GPC5: variants seen among roughly 807,000 people sequenced by gnomAD.
The protein encoded by GPC5 is glypican-5.
GPC5 carries 47 observed loss-of-function variants against 53.9 expected under a neutral mutation model. The observed-to-expected ratio is 0.87, with a 90% CI of 0.69 to 1.11. GPC5 has a LOEUF of 1.11. Ranked by LOEUF, GPC5 falls within the 50% of genes most tolerant of loss-of-function variation. The probability of loss-of-function intolerance (pLI) is 0.00; values close to 1 mark genes in which losing one functional copy is unlikely to be tolerated. For missense variants in GPC5, 748 were observed against 713.1 expected, an observed-to-expected ratio of 1.05 and a Z score of -0.56; for synonymous variants, 286 against 263.3, an observed-to-expected ratio of 1.09 and a Z score of -0.84.
intron 7 of GPC5, among the ~76,000 whole-genome samples, chr13:92,777,562 T>C (rs2138757273): frequency 6.6e-6 from 1 of 152,194 alleles, no homozygotes; most frequent in African/African-American, 2.4e-5. Context: ...GAGGTTGCAG[T>C]GAGCCGAGGT....
chr13:92,237,802 C>G (rs1594025326), intron 7 of GPC5, among the ~76,000 whole-genome samples: 1 of 152,096 alleles, frequency 6.6e-6, no homozygotes, highest in East Asian at 1.9e-4. Context: ...AAAGAAACAA[C>G]TTGCCCATTA....
At chr13:92,179,205 A>G (rs766157157) in intron 7 of GPC5, among the ~76,000 whole-genome samples, 18 of 152,144 alleles carry the variant, frequency 1.2e-4, no homozygotes, top group Non-Finnish European at 2.5e-4. Context: ...CTGGGGTAAA[A>G]CAAAAACTCT....
At chr13:92,206,454 C>T (rs1287465049) in intron 7 of GPC5, among the ~76,000 whole-genome samples, 5 of 148,320 alleles carry the variant, frequency 3.4e-5, no homozygotes, top group Non-Finnish European at 5.9e-5. Context: ...TCCCAAAGTG[C>T]GGTGGCTGGA....
intron 5 of GPC5, among the ~76,000 whole-genome samples, chr13:91,823,180 G>A (rs1156820743): frequency 1.3e-5 from 2 of 151,966 alleles, no homozygotes; most frequent in African/African-American, 4.8e-5. Flanking sequence ...CTATGAAAAA[G>A]TAGGAGTTCA....
chr13:92,383,256 A>G (rs931789092), intron 7 of GPC5, among the ~76,000 whole-genome samples: 4 of 152,182 alleles, frequency 2.6e-5, no homozygotes, highest in African/African-American at 9.6e-5. Flanking sequence ...AGAAATTACC[A>G]TGGTGTGTAA....
At chr13:91,498,529 A>T (rs1375235218) in intron 2 of GPC5, among the ~76,000 whole-genome samples, 1 of 152,162 alleles carries the variant, frequency 6.6e-6, no homozygotes, top group Non-Finnish European at 1.5e-5. Context: ...GGCGTAGGAT[A>T]GCCAGGAGCA....
At chr13:91,847,275 A>T (rs1339093791) in intron 5 of GPC5, among the ~76,000 whole-genome samples, 3 of 151,816 alleles carry the variant, frequency 2.0e-5, no homozygotes, top group Middle Eastern at 3.2e-3. Flanking sequence ...GATTAGTAAT[A>T]ATTACTAGAT....
At chr13:92,580,326 T>C (rs760995007) in intron 7 of GPC5, among the ~76,000 whole-genome samples, 10 of 152,228 alleles carry the variant, frequency 6.6e-5, no homozygotes, top group Non-Finnish European at 1.5e-4. Flanking sequence ...GTAGGAACTA[T>C]GGTTTCTAGT....
intron 7 of GPC5, among the ~76,000 whole-genome samples, chr13:92,467,791 C>T (rs1297617655): frequency 6.6e-6 from 1 of 151,896 alleles, no homozygotes; most frequent in African/African-American, 2.4e-5. Flanking sequence ...CTTTAAATTC[C>T]CTCCCCGAAA....
chr13:92,643,562 T>A (rs1366839297), intron 7 of GPC5, among the ~76,000 whole-genome samples: 1 of 142,002 alleles, frequency 7.0e-6, no homozygotes, highest in African/African-American at 2.6e-5. Flanking sequence ...AAATGATGAG[T>A]TCATGTCCTT....
chr13:91,781,591 A>G (rs1324340900), intron 5 of GPC5, among the ~76,000 whole-genome samples: 1 of 152,230 alleles, frequency 6.6e-6, no homozygotes, highest in African/African-American at 2.4e-5. Context: ...TGTCTTCTAT[A>G]TGCCAAGCCT....
At chr13:91,937,885 A>T (rs2039885930) in intron 6 of GPC5, among the ~76,000 whole-genome samples, 1 of 152,066 alleles carries the variant, frequency 6.6e-6, no homozygotes. Flanking sequence ...GAAGTGAGAA[A>T]ATACCTGTAT....
chr13:92,352,522 A>G (rs536524908), intron 7 of GPC5, among the ~76,000 whole-genome samples: 1 of 152,334 alleles, frequency 6.6e-6, no homozygotes, highest in Non-Finnish European at 1.5e-5. Context: ...GGAAATGCTA[A>G]TAATTCAATG....
chr13:92,437,215 C>T (rs1877340718), intron 7 of GPC5, among the ~76,000 whole-genome samples: 1 of 152,148 alleles, frequency 6.6e-6, no homozygotes, highest in South Asian at 2.1e-4. Flanking sequence ...GAGACAAAAA[C>T]ATCAATAGAA....
chr13:92,216,069 A>C (rs1039433940), intron 7 of GPC5, among the ~76,000 whole-genome samples: 1 of 152,162 alleles, frequency 6.6e-6, no homozygotes, highest in Non-Finnish European at 1.5e-5. Flanking sequence ...AGGCAGTTTT[A>C]AGCTAAAGGA....
chr13:92,449,236 G>C (rs966037221), intron 7 of GPC5, among the ~76,000 whole-genome samples: 1 of 152,238 alleles, frequency 6.6e-6, no homozygotes, highest in South Asian at 2.1e-4. Flanking sequence ...CATTAAAATA[G>C]TATATGCAGT....
At chr13:91,736,264 G>A (rs150724272) in intron 4 of GPC5, among the ~76,000 whole-genome samples, 2,145 of 151,358 alleles carry the variant, frequency 0.014, 32 homozygotes, top group Middle Eastern at 0.041. Flanking sequence ...TGAACCTTCT[G>A]TATCTGAGAA....
intron 7 of GPC5, among the ~76,000 whole-genome samples, chr13:92,400,197 G>A (rs965706828): frequency 6.6e-6 from 1 of 152,134 alleles, no homozygotes; most frequent in African/African-American, 2.4e-5. Flanking sequence ...GCATAAAGCG[G>A]CACTAATATC....
intron 7 of GPC5, among the ~76,000 whole-genome samples, chr13:92,146,369 A>T (rs9583995): frequency 0.15 from 22,626 of 151,974 alleles, 1,890 homozygotes; most frequent in Admixed American, 0.18. Context: ...AATGAAAATG[A>T]CTGTTTCATT....
Sources: allele counts gnomAD v4.1 joint callset (sites outside exome capture counted in the v4.1 genomes callset), GRCh38; gene constraint gnomAD v4.1.1; transcripts MANE v1.5; gene names NCBI Gene and HGNC (gene_info 2026-07-23, HGNC 2026-07-21).